The following NLRP4 variants were observed in gnomAD, a reference collection of about 807,000 sequenced individuals.
NLRP4 encodes the protein NLR family pyrin domain containing 4.
A neutral mutation model predicts 84.7 loss-of-function variants in NLRP4; 44 were observed. The ratio of observed to expected loss-of-function variants is 0.52; its 90% CI spans 0.41 to 0.67. The LOEUF (loss-of-function observed/expected upper bound fraction) is 0.67. Ranked by LOEUF, NLRP4 falls within the 30% of genes least tolerant of loss-of-function variation. The pLI is 0.00. For missense variants in NLRP4, 1,260 were observed against 1,219.4 expected (o/e 1.03, Z -0.50); for synonymous variants, 544 against 476.4 (o/e 1.14, Z -1.85).
intron 1 of NLRP4, among the ~76,000 whole-genome samples, chr19:55,845,417 A>G (rs1983757228): frequency 6.6e-6 from 1 of 150,680 alleles, no homozygotes; most frequent in Non-Finnish European, 1.5e-5. Flanking sequence ...TTCTTAATCC[A>G]GTCTATCATT....
intron 6 of NLRP4, 114 bp downstream of exon 6, chr19:55,867,990 T>G (rs1031106874): frequency 4.8e-5 from 44 of 917,064 alleles, no homozygotes; most frequent in Non-Finnish European, 6.5e-5. Context: ...GTTTAAAAGC[T>G]CACGCTTAAG....
chr19:55,857,325 ATGTGTGTGTGTGTG>A (rs35115500), intron 2 of NLRP4: 5 of 272,634 alleles, frequency 1.8e-5, no homozygotes, highest in South Asian at 1.5e-4. Flanking sequence ...GTAGCAATGA[ATGTGTGTGTGTGTG>A]TGTGTGTGTG....
intron 7 of NLRP4, among the ~76,000 whole-genome samples, chr19:55,872,800 C>T (rs1985236315): frequency 6.6e-6 from 1 of 151,922 alleles, no homozygotes; most frequent in South Asian, 2.1e-4. Flanking sequence ...TGAAAGATTC[C>T]AATTCAGATT....
At chr19:55,865,850 A>G (rs1441972780) in intron 5 of NLRP4, among the ~76,000 whole-genome samples, 1 of 151,982 alleles carries the variant, frequency 6.6e-6, no homozygotes. Context: ...CTTTGTGAAT[A>G]TTTTTTGCCA....
At chr19:55,843,375 A>AT (rs930108912) in intron 1 of NLRP4, among the ~76,000 whole-genome samples, 44 of 151,014 alleles carry the variant, frequency 2.9e-4, no homozygotes, top group Admixed American at 4.6e-4. Flanking sequence ...TAGTAGATTG[A>AT]TTTTTTTTTC....
At chr19:55,875,810 C>G (rs921197806) in intron 7 of NLRP4, among the ~76,000 whole-genome samples, 2 of 151,812 alleles carry the variant, frequency 1.3e-5, no homozygotes, top group African/African-American at 4.8e-5. Flanking sequence ...GGGTGGATCA[C>G]CTGAGGTCAG....
Position 55,854,317 on chromosome 19 carries a change from C to G in NLRP4, c.280+1957C>G, listed in dbSNP as rs185102755. Among the ~76,000 whole-genome samples, 331 of 152,200 alleles carry G rather than the reference C, an allele frequency of 2.2e-3. 2 individuals carry two copies. Among genetic ancestry groups the G allele is most frequent in the African/African-American group, 7.5e-3 (310 of 41,530 alleles). ...CACATGTTTTATTTATGCAGTTTGCCTTTTTCACAGACTTCCATTTTTTCT... is the reference window on the plus strand; with the variant it reads ...CACATGTTTTATTTATGCAGTTTGCGTTTTTCACAGACTTCCATTTTTTCT... On this transcript the variant is annotated intron_variant, in intron 2 of 9. Coordinates refer to ENST00000301295, the MANE Select transcript of NLRP4 (RefSeq NM_134444.5).
chr19:55,843,804 AC>A (rs1260639423), intron 1 of NLRP4, among the ~76,000 whole-genome samples: 1 of 152,042 alleles, frequency 6.6e-6, no homozygotes, highest in African/African-American at 2.4e-5. Flanking sequence ...TTACTTTTGC[AC>A]CAACCTAATA....
intron 1 of NLRP4, among the ~76,000 whole-genome samples, chr19:55,841,923 T>C (rs1032415143): frequency 2.6e-5 from 4 of 152,154 alleles, no homozygotes; most frequent in African/African-American, 9.7e-5. Flanking sequence ...GACATACGAA[T>C]TTCCTTTTTT....
chr19:55,852,231 T>G lies in NLRP4; in HGVS notation c.151T>G (p.Ser51Ala), dbSNP rs1424170490. The change falls in exon 2 of 10, where the codon TCC becomes GCC. Residue 51 changes from serine to alanine, a missense_variant. Physicochemically the swap from Ser to Ala is moderately conservative, Grantham distance 99. Transcript: ENST00000301295. ...TCCCTGGACTGAGGTCAAAAAAGCA[T>G]CCCGGGAAGAACTTGCAAACCTCTT... ...QIPWTEVKKA[S>A]REELANLLIK... 2 of 1,610,052 alleles carry G rather than the reference T, an allele frequency of 1.2e-6. No individual in the cohort carries two copies. The highest frequency in any genetic ancestry group is 4.5e-5 in the East Asian group (2 of 44,856).
At chr19:55,874,986 C>A (rs573565025) in intron 7 of NLRP4, among the ~76,000 whole-genome samples, 2 of 152,058 alleles carry the variant, frequency 1.3e-5, no homozygotes, top group African/African-American at 4.8e-5. Flanking sequence ...GTAAAAAAAT[C>A]AATGTAAATC....
At chr19:55,871,942 C>T (rs769398183) in intron 7 of NLRP4, among the ~76,000 whole-genome samples, 46 of 151,952 alleles carry the variant, frequency 3.0e-4, no homozygotes, top group South Asian at 2.5e-3. Context: ...TGCTGCCTCC[C>T]GGGTTCACGC....
intron 1 of NLRP4, among the ~76,000 whole-genome samples, chr19:55,850,173 G>A (rs1478252919): frequency 3.9e-4 from 39 of 101,072 alleles, no homozygotes; most frequent in African/African-American, 4.8e-4. Flanking sequence ...TAATTTCCGT[G>A]GCTGCGGTGT....
At position 55,840,338 on chromosome 19, in the gene NLRP4, ATGTGTATGTG is replaced by A. The variant is rs1412406630; in HGVS notation, c.-66+3410_-66+3419del. 8.8e-4 allele frequency among the ~76,000 whole-genome samples: 120 copies of A among 137,030 alleles called. 1 individual carries two copies. In the South Asian group the frequency reaches 0.015, roughly 17 times the overall value. 89.9% of individuals were successfully genotyped at this position (137,030 alleles called of 152,430 possible). On this transcript the variant is annotated intron_variant, in intron 1 of 9. Transcript: ENST00000301295. ...GGTGTGTGTGTATAGACATATGTGT[ATGTGTATGTG>A]TGTGTGTGTGTGTGTGTGTGTGTGT...
In NLRP4 at chr19:55,852,476, G is replaced by GTTTT. The variant is rs11301833; in HGVS notation, c.280+132_280+135dup. ...TGAATGTGCTATGGGAAAATATTAGGTTTTTTTTTTTTTTTTTTTGGTAGA... is the reference window on the plus strand; with the variant it reads ...TGAATGTGCTATGGGAAAATATTAGGTTTTTTTTTTTTTTTTTTTTTTTGGTAGA... On this transcript the variant is annotated intron_variant, in intron 2 of 9. Transcript: ENST00000301295. The GTTTT allele has an allele frequency of 1.7e-3, 764 of 444,260 alleles. 12 individuals are homozygous for GTTTT. The highest frequency in any genetic ancestry group is 0.016 in the African/African-American group (612 of 37,476). 27.5% of individuals were successfully genotyped at this position (444,260 alleles called of 1,614,324 possible). A position where few individuals can be genotyped will look rare whatever the true frequency, so the allele number is the denominator to read the frequency against.
At chr19:55,868,324 T>C (rs934467574) in intron 6 of NLRP4, among the ~76,000 whole-genome samples, 6 of 152,096 alleles carry the variant, frequency 3.9e-5, no homozygotes, top group Non-Finnish European at 7.4e-5. Flanking sequence ...GTGATGTTCT[T>C]GCAGTAATAG....
chr19:55,858,663 G>A lies in NLRP4; in HGVS notation c.1270G>A (p.Val424Ile), dbSNP rs548935911. 3.2e-5 allele frequency: 52 copies of A among 1,614,198 alleles called. 1 individual carries two copies. In the South Asian group the frequency reaches 4.5e-4, roughly 14 times the overall value. The change falls in exon 3 of 10, where the codon GTT (valine) becomes ATT (isoleucine). Residue 424 changes from valine (V) to isoleucine (I), a missense_variant. Val to Ile is a conservative substitution (Grantham distance 29). Transcript: ENST00000301295. The surrounding 1 kb of genome is among the most constrained non-coding windows in gnomAD (Gnocchi z 4.2). ...TGAAGACGACCTCCGGAGAAATGGG[G>A]TTGTTGACGCTGACATCCCTGCGCT... ...FCEDDLRRNG[V>I]VDADIPALLG... is the part of the protein sequence containing the mutation.
At chr19:55,865,989 G>C (rs1236056048) in intron 5 of NLRP4, among the ~76,000 whole-genome samples, 4 of 151,970 alleles carry the variant, frequency 2.6e-5, no homozygotes, top group Non-Finnish European at 5.9e-5. Flanking sequence ...CGAAACCATT[G>C]CCTAACCCAA....
At chr19:55,842,351 G>A (rs1422771108) in intron 1 of NLRP4, among the ~76,000 whole-genome samples, 1 of 151,904 alleles carries the variant, frequency 6.6e-6, no homozygotes, top group Non-Finnish European at 1.5e-5. Flanking sequence ...TCCTATTTCT[G>A]TCCTTCTTTA....
Sources: allele counts gnomAD v4.1 joint callset (sites outside exome capture counted in the v4.1 genomes callset), GRCh38; gene constraint gnomAD v4.1.1; non-coding constraint Gnocchi (gnomAD v3.1); transcripts MANE v1.5; gene names NCBI Gene and HGNC (gene_info 2026-07-23, HGNC 2026-07-21).